ATP2B2: variants seen among roughly 807,000 people sequenced by gnomAD.
ATP2B2 encodes the protein ATPase plasma membrane Ca2+ transporting 2, also known as plasma membrane calcium-transporting ATPase 2.
Under a neutral mutation model 120.0 loss-of-function variants are expected in ATP2B2, and 15 were observed. The observed-to-expected ratio is 0.12, with a 90% confidence interval of 0.08 to 0.19. The LOEUF (loss-of-function observed/expected upper bound fraction) is 0.19, where lower values mean the gene tolerates loss of function less well. ATP2B2 is among the 10% of genes least tolerant of loss of function. ATP2B2 has a pLI of 1.00. For synonymous variants in ATP2B2, 694 were observed against 700.3 expected, an observed-to-expected ratio of 0.99 and a Z score of 0.14; for missense variants, 1,045 against 1,719.8, an observed-to-expected ratio of 0.61 and a Z score of 6.94.
chr3:10,595,048 T>C lies in ATP2B2; in HGVS notation c.-415+24869A>G, dbSNP rs2068733363. Reference sequence around the variant, plus strand: ...GACCAATTCAAAGTTAACTGCAATATTTCGGGAGCCCCCAGCTGATCAGGA... The same window carrying C: ...GACCAATTCAAAGTTAACTGCAATACTTCGGGAGCCCCCAGCTGATCAGGA... On this transcript the variant is annotated intron_variant, in intron 2 of 21. Transcript: ENST00000646379. Among the ~76,000 whole-genome samples the C allele has an allele frequency of 1.3e-5, 2 of 152,236 alleles. 1 individual carries two copies. Among genetic ancestry groups the C allele is most frequent in the South Asian group, 4.1e-4 (2 of 4,836 alleles).
At chr3:10,446,853 A>G (rs950202861) in intron 2 of ATP2B2, among the ~76,000 whole-genome samples, 1 of 152,250 alleles carries the variant, frequency 6.6e-6, no homozygotes, top group African/African-American at 2.4e-5. Context: ...TGGCAGAGCA[A>G]TAGAGATGTC....
chr3:10,684,532 A>G (rs887823242), intron 1 of ATP2B2, among the ~76,000 whole-genome samples: 6 of 152,244 alleles, frequency 3.9e-5, no homozygotes, highest in Admixed American at 3.9e-4. Context: ...GGTTTCACAA[A>G]TTAATAGGTT....
chr3:10,625,168 C>A (rs1320256491), intron 1 of ATP2B2, among the ~76,000 whole-genome samples: 1 of 152,224 alleles, frequency 6.6e-6, no homozygotes, highest in Non-Finnish European at 1.5e-5. Flanking sequence ...TCTCTGGCTG[C>A]ACGAGGCCAC....
chr3:10,592,301 G>T (rs946709846), intron 2 of ATP2B2, among the ~76,000 whole-genome samples: 3 of 152,228 alleles, frequency 2.0e-5, no homozygotes, highest in African/African-American at 7.2e-5. Context: ...GATTTGACAA[G>T]ATTTTTTCAA....
chr3:10,476,781 C>T (rs2065220101), intron 1 of ATP2B2, among the ~76,000 whole-genome samples: 2 of 152,210 alleles, frequency 1.3e-5, no homozygotes, highest in Non-Finnish European at 2.9e-5. Context: ...CCTTCATTAG[C>T]CCTGAGGAAG....
chr3:10,692,374 C>G (rs1288738715), intron 1 of ATP2B2, among the ~76,000 whole-genome samples: 1 of 152,182 alleles, frequency 6.6e-6, no homozygotes, highest in Non-Finnish European at 1.5e-5. Flanking sequence ...CGGCTGCAGA[C>G]AAGTCATCTG....
intron 1 of ATP2B2, among the ~76,000 whole-genome samples, chr3:10,648,416 AG>A (rs1368867121): frequency 6.6e-6 from 1 of 152,172 alleles, no homozygotes. Context: ...TCAATGTGGG[AG>A]GCCCCTGAGG....
chr3:10,656,486 T>C (rs1821467), intron 1 of ATP2B2, among the ~76,000 whole-genome samples: 33,370 of 152,156 alleles, frequency 0.22, 6,110 homozygotes, highest in African/African-American at 0.5. Context: ...GTCCAAATGC[T>C]GTACCTAGAC....
At chr3:10,388,094 T>C in intron 6 of ATP2B2, 183 bp downstream of exon 6, 1 of 802,214 alleles carries the variant, frequency 1.2e-6, no homozygotes, top group Non-Finnish European at 2.1e-6. Context: ...GGACAAGACC[T>C]GGAGATGGAA....
chr3:10,587,257 A>C (rs563867572), intron 2 of ATP2B2, among the ~76,000 whole-genome samples: 1 of 151,744 alleles, frequency 6.6e-6, no homozygotes, highest in South Asian at 2.1e-4. Flanking sequence ...GTGAGCCGTG[A>C]TCATACCCCT....
intron 1 of ATP2B2, among the ~76,000 whole-genome samples, chr3:10,692,842 C>A (rs9844057): frequency 0.026 from 3,980 of 151,166 alleles, 158 homozygotes; most frequent in African/African-American, 0.09. Context: ...AAAATGGGAG[C>A]CCACACCCGC....
In ATP2B2 at chr3:10,327,812, T is replaced by A; in HGVS notation, c.*1002A>T. The A allele has an allele frequency of 6.5e-6, 1 of 152,674 alleles. No homozygotes were observed. The highest frequency in any genetic ancestry group is 1.5e-5 in the Non-Finnish European group (1 of 68,042). The allele number at this position is 152,674 out of a possible 1,614,324, so 9.5% of individuals were successfully genotyped here. On this transcript the variant is annotated 3_prime_UTR_variant, in exon 23 of 23. Transcript: ENST00000360273. ...CCCTCAGGATGGCAACTCGGTAGCA[T>A]TTGGCTTCTGCCTGAGCCTCTCACG...
intron 1 of ATP2B2, among the ~76,000 whole-genome samples, chr3:10,504,371 G>A (rs1397239226): frequency 2.0e-5 from 3 of 152,208 alleles, no homozygotes; most frequent in Non-Finnish European, 4.4e-5. Flanking sequence ...GATTCGGAGA[G>A]CAATGCAGGA....
intron 2 of ATP2B2, among the ~76,000 whole-genome samples, chr3:10,576,341 G>A (rs1280638685): frequency 2.0e-5 from 3 of 152,234 alleles, no homozygotes; most frequent in Non-Finnish European, 4.4e-5. Flanking sequence ...TAGGCCGAGT[G>A]TACGGTGAAC....
At chr3:10,641,770 G>T (rs1011633598) in intron 1 of ATP2B2, among the ~76,000 whole-genome samples, 3 of 152,178 alleles carry the variant, frequency 2.0e-5, no homozygotes, top group African/African-American at 7.2e-5. Context: ...TTCCCGGGGA[G>T]AAGCGAAGTC....
At chr3:10,649,859 G>T (rs146714827) in intron 1 of ATP2B2, among the ~76,000 whole-genome samples, 1 of 152,232 alleles carries the variant, frequency 6.6e-6, no homozygotes, top group African/African-American at 2.4e-5. Flanking sequence ...CTCTTCTCCT[G>T]TGTACCACCA....
At chr3:10,374,356 G>A (rs2061325881) in intron 11 of ATP2B2, among the ~76,000 whole-genome samples, 1 of 152,216 alleles carries the variant, frequency 6.6e-6, no homozygotes, top group Non-Finnish European at 1.5e-5. Flanking sequence ...AAGACGATAA[G>A]GGCCGTATTT....
At chr3:10,420,384 G>A (rs1376828542) in intron 2 of ATP2B2, among the ~76,000 whole-genome samples, 2 of 146,078 alleles carry the variant, frequency 1.4e-5, no homozygotes, top group Non-Finnish European at 3.0e-5. Context: ...TTTTTGAGAC[G>A]AAGTCTCGCT....
intron 2 of ATP2B2, among the ~76,000 whole-genome samples, chr3:10,445,781 C>A (rs146501435): frequency 1.6e-3 from 243 of 152,312 alleles, no homozygotes; most frequent in African/African-American, 5.4e-3. Context: ...TACTCGTCAG[C>A]AGATTAGGGG....
Sources: allele counts gnomAD v4.1 joint callset (sites outside exome capture counted in the v4.1 genomes callset), GRCh38; gene constraint gnomAD v4.1.1; transcripts MANE v1.5; gene names NCBI Gene and HGNC (gene_info 2026-07-23, HGNC 2026-07-21).